The following SMYD3 variants were observed in gnomAD, a reference collection of about 807,000 sequenced individuals.
SMYD3 encodes histone-lysine N-methyltransferase SMYD3.
SMYD3 carries 36 observed loss-of-function variants against 57.7 expected under a neutral mutation model. That is an observed-to-expected ratio of 0.62 (90% confidence interval 0.48 to 0.82). The LOEUF is 0.82. SMYD3 is among the 40% of genes least tolerant of loss of function. The pLI, the probability that SMYD3 is intolerant of heterozygous loss-of-function variation, is 0.00. For missense variants in SMYD3, 515 were observed against 538.8 expected (o/e 0.96, Z 0.44); for synonymous variants, 211 against 195.0 (o/e 1.08, Z -0.68).
intron 5 of SMYD3, among the ~76,000 whole-genome samples, chr1:245,969,021 A>C (rs1165418216): frequency 6.6e-6 from 1 of 152,120 alleles, no homozygotes; most frequent in Non-Finnish European, 1.5e-5. Context: ...AACCTCTAAA[A>C]AGTATGTAAT....
chr1:245,877,551 G>A (rs900374563), intron 8 of SMYD3, among the ~76,000 whole-genome samples: 1 of 152,212 alleles, frequency 6.6e-6, no homozygotes, highest in Non-Finnish European at 1.5e-5. Flanking sequence ...ATCTGAATAA[G>A]GCCGTGCCTT....
intron 5 of SMYD3, chr1:246,326,839 C>T (rs1273688980): frequency 1.0e-5 from 3 of 290,528 alleles, no homozygotes; most frequent in Non-Finnish European, 1.9e-5. Flanking sequence ...GCTTAAACAA[C>T]CACCATAAAA....
intron 5 of SMYD3, among the ~76,000 whole-genome samples, chr1:246,213,778 G>A (rs1282139041): frequency 6.6e-6 from 1 of 152,192 alleles, no homozygotes; most frequent in East Asian, 1.9e-4. Context: ...CGGCCATTGA[G>A]TAAATCCCAG....
intron 9 of SMYD3, among the ~76,000 whole-genome samples, chr1:245,862,125 C>A (rs75763248): frequency 6.6e-6 from 1 of 152,108 alleles, no homozygotes; most frequent in African/African-American, 2.4e-5. Context: ...TCCATCTCAT[C>A]ATAGACAGCG....
intron 10 of SMYD3, among the ~76,000 whole-genome samples, chr1:245,825,579 A>G (rs905102785): frequency 1.2e-4 from 18 of 152,120 alleles, no homozygotes; most frequent in African/African-American, 4.1e-4. Flanking sequence ...CTCCCTGGGC[A>G]TCTTGTCCCC....
intron 10 of SMYD3, among the ~76,000 whole-genome samples, chr1:245,802,125 A>C (rs569490202): frequency 3.9e-5 from 6 of 152,332 alleles, no homozygotes; most frequent in Non-Finnish European, 5.9e-5. Context: ...TATTCCACTG[A>C]GTTCTATTTT....
chr1:246,116,230 A>G (rs983546974), intron 5 of SMYD3, among the ~76,000 whole-genome samples: 1 of 130,794 alleles, frequency 7.6e-6, no homozygotes, highest in East Asian at 1.9e-4. Flanking sequence ...ACACACACAC[A>G]CACACACACA....
At chr1:246,279,960 G>A (rs1159394213) in intron 5 of SMYD3, among the ~76,000 whole-genome samples, 6 of 152,106 alleles carry the variant, frequency 3.9e-5, no homozygotes, top group East Asian at 1.9e-4. Context: ...GTACTTACTC[G>A]TAGTAAGTAA....
chr1:246,374,842 C>T (rs1008777200), intron 1 of SMYD3, among the ~76,000 whole-genome samples: 3 of 141,300 alleles, frequency 2.1e-5, no homozygotes, highest in Non-Finnish European at 4.6e-5. Context: ...TCTGTTATCC[C>T]AGCAGTTTGG....
intron 5 of SMYD3, among the ~76,000 whole-genome samples, chr1:246,259,403 G>A (rs1780791): frequency 0.27 from 40,573 of 151,918 alleles, 6,115 homozygotes; most frequent in East Asian, 0.58. Context: ...CCTCTATAAT[G>A]TTACTGGGTT....
intron 5 of SMYD3, among the ~76,000 whole-genome samples, chr1:246,136,104 G>A (rs1572087966): frequency 6.6e-6 from 1 of 152,158 alleles, no homozygotes; most frequent in East Asian, 1.9e-4. Flanking sequence ...AGTACACCAG[G>A]AACTGCACAT....
intron 5 of SMYD3, among the ~76,000 whole-genome samples, chr1:246,267,103 T>G (rs1447242104): frequency 6.6e-6 from 1 of 152,178 alleles, no homozygotes; most frequent in African/African-American, 2.4e-5. Context: ...TTGAAACTTT[T>G]TATTAGAATA....
intron 10 of SMYD3, among the ~76,000 whole-genome samples, chr1:245,806,046 G>A (rs1321512471): frequency 6.6e-6 from 1 of 152,196 alleles, no homozygotes; most frequent in African/African-American, 2.4e-5. Flanking sequence ...TACAAGTTGA[G>A]TGCCTACTAT....
At chr1:245,796,721 G>C (rs964027858) in intron 10 of SMYD3, among the ~76,000 whole-genome samples, 1 of 152,160 alleles carries the variant, frequency 6.6e-6, no homozygotes, top group Non-Finnish European at 1.5e-5. Flanking sequence ...GTGTGGAGGA[G>C]AGCAGAGTGT....
intron 2 of SMYD3, among the ~76,000 whole-genome samples, chr1:246,349,225 A>G (rs545737157): frequency 6.6e-6 from 1 of 152,372 alleles, no homozygotes; most frequent in Non-Finnish European, 1.5e-5. Flanking sequence ...TTGATCTAAC[A>G]GATAATAGTT....
intron 10 of SMYD3, among the ~76,000 whole-genome samples, chr1:245,793,449 G>C (rs998665001): frequency 2.6e-5 from 4 of 152,030 alleles, no homozygotes; most frequent in African/African-American, 9.7e-5. Context: ...AACCGTTGTA[G>C]CCACTTCCTC....
At chr1:245,893,152 A>G (rs895594117) in intron 8 of SMYD3, among the ~76,000 whole-genome samples, 2 of 152,250 alleles carry the variant, frequency 1.3e-5, no homozygotes, top group Non-Finnish European at 2.9e-5. Flanking sequence ...ACCACAATGC[A>G]ATGTTACCAC....
intron 8 of SMYD3, among the ~76,000 whole-genome samples, chr1:245,870,251 C>T (rs2052105533): frequency 6.6e-6 from 1 of 152,164 alleles, no homozygotes; most frequent in Non-Finnish European, 1.5e-5. Context: ...AATATTACTA[C>T]ACTAAGATCA....
intron 5 of SMYD3, among the ~76,000 whole-genome samples, chr1:245,993,033 C>T (rs892351040): frequency 5.3e-5 from 8 of 152,284 alleles, no homozygotes; most frequent in African/African-American, 1.4e-4. Flanking sequence ...TTTCCAAAGC[C>T]GCAAAATGAC....
Sources: gnomAD v4.1 joint callset for allele counts (sites outside exome capture counted in the v4.1 genomes callset) on GRCh38, gnomAD v4.1.1 for gene constraint, MANE v1.5 for transcripts, NCBI Gene and HGNC (gene_info 2026-07-23, HGNC 2026-07-21) for gene names.